The following DNAJC3 variants were observed in gnomAD, a reference collection of about 807,000 sequenced individuals.
The protein encoded by DNAJC3 is DnaJ heat shock protein family (Hsp40) member C3, also known as dnaJ homolog subfamily C member 3.
In DNAJC3, 38 loss-of-function variants were observed where a neutral mutation model predicts 68.6. The ratio of observed to expected loss-of-function variants is 0.55; its 90% CI spans 0.43 to 0.73. DNAJC3 has a LOEUF of 0.73. Among genes scored for constraint, DNAJC3 ranks in the 30% least tolerant of loss-of-function variants. The pLI, the probability that DNAJC3 is intolerant of heterozygous loss-of-function variation, is 0.00. For missense variants in DNAJC3, 526 were observed against 591.9 expected, an observed-to-expected ratio of 0.89 and a Z score of 1.16; for synonymous variants, 203 against 204.0, an observed-to-expected ratio of 1.00 and a Z score of 0.04.
At chr13:95,761,818 A>C (rs918466619) in intron 7 of DNAJC3, among the ~76,000 whole-genome samples, 1 of 151,536 alleles carries the variant, frequency 6.6e-6, no homozygotes, top group Non-Finnish European at 1.5e-5. Context: ...ACCTGTTCAC[A>C]GATACAGTCA....
At chr13:95,790,816 C>G in intron 11 of DNAJC3, 57 bp from the exon 12 acceptor site, 1 of 1,564,058 alleles carries the variant, frequency 6.4e-7, no homozygotes, top group Non-Finnish European at 8.6e-7. Flanking sequence ...GAAAACATTC[C>G]CCCTGCCCCT....
chr13:95,767,691 G>GTTTTTTTTTTTTT (rs796243780), intron 9 of DNAJC3, among the ~76,000 whole-genome samples: 18 of 135,796 alleles, frequency 1.3e-4, no homozygotes, highest in African/African-American at 4.9e-4. Context: ...AGTTTTTTGG[G>GTTTTTTTTTTTTT]TTTTTTTTTT....
intron 4 of DNAJC3, among the ~76,000 whole-genome samples, chr13:95,728,012 A>G (rs2139645919): frequency 6.6e-6 from 1 of 152,306 alleles, no homozygotes; most frequent in South Asian, 2.1e-4. Context: ...TGTTATACAA[A>G]AATCTTTTAG....
intron 11 of DNAJC3, among the ~76,000 whole-genome samples, chr13:95,788,360 G>A (rs979284234): frequency 2.0e-5 from 3 of 152,214 alleles, no homozygotes; most frequent in African/African-American, 2.4e-5. Context: ...TTTGTGCTAC[G>A]TTTTAAGGTA....
At chr13:95,784,046 C>T (rs1268808730) in intron 9 of DNAJC3, among the ~76,000 whole-genome samples, 1 of 152,210 alleles carries the variant, frequency 6.6e-6, no homozygotes, top group Non-Finnish European at 1.5e-5. Flanking sequence ...TTGCATTTGG[C>T]TGTCTCAGTC....
intron 4 of DNAJC3, among the ~76,000 whole-genome samples, chr13:95,735,758 C>T (rs1206076768): frequency 6.6e-6 from 1 of 151,726 alleles, no homozygotes; most frequent in African/African-American, 2.4e-5. Context: ...AAATTTTCTC[C>T]CATTTTGTAG....
At chr13:95,681,897 C>T (rs950071832) in intron 1 of DNAJC3, among the ~76,000 whole-genome samples, 1 of 152,184 alleles carries the variant, frequency 6.6e-6, no homozygotes, top group Non-Finnish European at 1.5e-5. Flanking sequence ...CCTCAAAATT[C>T]ACTAGCTTAT....
chr13:95,679,705 A>T (rs778041629), intron 1 of DNAJC3, among the ~76,000 whole-genome samples: 4 of 152,352 alleles, frequency 2.6e-5, no homozygotes, highest in Middle Eastern at 3.4e-3. Flanking sequence ...ATTATGTGAG[A>T]TGATAGATAT....
At chr13:95,759,914 T>A in intron 5 of DNAJC3, 126 bp from the exon 6 acceptor site, 1 of 947,382 alleles carries the variant, frequency 1.1e-6, no homozygotes, top group Non-Finnish European at 1.5e-6. Context: ...ATTTGCACTA[T>A]ATAAGTCATC....
In DNAJC3 at chr13:95,723,260, A is replaced by T. The variant is rs1881397971; in HGVS notation, c.212A>T (p.Tyr71Phe). The T allele has an allele frequency of 6.2e-7, 1 of 1,610,178 alleles. No individual in the cohort carries two copies. Among genetic ancestry groups the T allele is most frequent in the South Asian group, 1.1e-5 (1 of 90,726 alleles). Reference sequence around the variant, plus strand: ...TTTTCAGATGGTGACCCTGATAACTATATTGCTTATTATCGGAGGGCTACT... The same window carrying T: ...TTTTCAGATGGTGACCCTGATAACTTTATTGCTTATTATCGGAGGGCTACT... ...HAAVDGDPDN[Y>F]IAYYRRATVF... The change falls in exon 3 of 12, where the codon TAT becomes TTT. Residue 71 changes from tyrosine to phenylalanine, a missense_variant. Transcript: ENST00000602402.
chr13:95,698,137 A>G (rs58500800), intron 1 of DNAJC3, among the ~76,000 whole-genome samples: 2,590 of 151,792 alleles, frequency 0.017, 78 homozygotes, highest in African/African-American at 0.06. Flanking sequence ...CCTTGTGCCT[A>G]TAGAGTATGC....
chr13:95,709,693 G>C (rs1301009152), intron 2 of DNAJC3, among the ~76,000 whole-genome samples: 1 of 145,208 alleles, frequency 6.9e-6, no homozygotes, highest in Non-Finnish European at 1.5e-5. Flanking sequence ...AGGCTGGAGT[G>C]CAGTGGCACG....
chr13:95,727,232 T>A (rs951951086), intron 4 of DNAJC3, among the ~76,000 whole-genome samples: 1 of 152,346 alleles, frequency 6.6e-6, no homozygotes, highest in African/African-American at 2.4e-5. Flanking sequence ...AGTAGTTTTT[T>A]AGAAATAATT....
chr13:95,690,421 A>G (rs1409729116), intron 1 of DNAJC3, among the ~76,000 whole-genome samples: 4 of 151,588 alleles, frequency 2.6e-5, no homozygotes, highest in East Asian at 2.0e-4. Flanking sequence ...CGATTTCTCA[A>G]TCTTTTCCCC....
chr13:95,723,419 G>T, intron 3 of DNAJC3, 53 bp downstream of exon 3: 1 of 1,573,782 alleles, frequency 6.4e-7, no homozygotes, highest in Non-Finnish European at 8.7e-7. Context: ...CTTGGGGAGA[G>T]ATAATTTGTT....
intron 11 of DNAJC3, 91 bp from the exon 12 acceptor site, chr13:95,790,782 C>G: frequency 1.7e-5 from 22 of 1,287,864 alleles, no homozygotes; most frequent in Non-Finnish European, 2.3e-5. Flanking sequence ...GCTCCTCAAG[C>G]CCACCCACCC....
intron 7 of DNAJC3, among the ~76,000 whole-genome samples, chr13:95,761,636 G>C (rs1251351969): frequency 6.6e-6 from 1 of 152,114 alleles, no homozygotes; most frequent in East Asian, 1.9e-4. Flanking sequence ...TGCCCTTATA[G>C]CCACACCTAC....
intron 1 of DNAJC3, among the ~76,000 whole-genome samples, chr13:95,690,893 A>C (rs566678330): frequency 1.5e-4 from 19 of 125,224 alleles, no homozygotes; most frequent in African/African-American, 5.6e-4. Flanking sequence ...CACTTCCCAG[A>C]CGGGGCGGCT....
intron 4 of DNAJC3, among the ~76,000 whole-genome samples, chr13:95,749,442 C>T (rs1272340673): frequency 6.6e-6 from 1 of 151,632 alleles, no homozygotes; most frequent in African/African-American, 2.4e-5. Context: ...AAGGGGTGAG[C>T]CTAAAAGATG....
Sources: allele counts gnomAD v4.1 joint callset (sites outside exome capture counted in the v4.1 genomes callset), GRCh38; gene constraint gnomAD v4.1.1; transcripts MANE v1.5; gene names NCBI Gene and HGNC (gene_info 2026-07-23, HGNC 2026-07-21).